The following GABRA1 variants were observed in gnomAD, a reference collection of about 807,000 sequenced individuals.
GABRA1 encodes the protein gamma-aminobutyric acid receptor subunit alpha-1.
In GABRA1, 9 loss-of-function variants were observed where a neutral mutation model predicts 48.9. The observed-to-expected ratio is 0.18, with a 90% confidence interval of 0.11 to 0.32. The LOEUF (loss-of-function observed/expected upper bound fraction) is 0.32. GABRA1 is among the 10% of genes least tolerant of loss of function. The probability of loss-of-function intolerance (pLI) is 1.00; values close to 1 mark genes in which losing one functional copy is unlikely to be tolerated. For synonymous variants in GABRA1, 210 were observed against 198.7 expected (o/e 1.06, Z -0.48); for missense variants, 285 against 553.8 (o/e 0.51, Z 4.87).
At chr5:161,889,599 TG>T (rs1754998827) in intron 7 of GABRA1, among the ~76,000 whole-genome samples, 1 of 152,188 alleles carries the variant, frequency 6.6e-6, no homozygotes, top group South Asian at 2.1e-4. Context: ...TATATTGAGA[TG>T]TTGAAATATT....
At chr5:161,862,896 C>A (rs1472627199) in intron 3 of GABRA1, among the ~76,000 whole-genome samples, 1 of 151,802 alleles carries the variant, frequency 6.6e-6, no homozygotes, top group Non-Finnish European at 1.5e-5. Context: ...AGTATTGCAC[C>A]TAAAATCACA....
chr5:161,894,774 T>C (rs1196572968), intron 8 of GABRA1, among the ~76,000 whole-genome samples: 1 of 152,112 alleles, frequency 6.6e-6, no homozygotes, highest in African/African-American at 2.4e-5. Context: ...CATTAGAGGG[T>C]ATCATCTTTC....
rs571166819 is a variant in GABRA1 at position 161,890,499 on chromosome 5, T to C, written c.704-399T>C. On this transcript the variant is annotated intron_variant, in intron 7 of 9. Coordinates refer to ENST00000393943, the MANE Select transcript of GABRA1 (RefSeq NM_001127644.2). ...GCTTCTTCAGTAGGTATTGTGGATA[T>C]GCTCTGTAATGGACACACTGGAGAT... 5.3e-5 allele frequency among the ~76,000 whole-genome samples: 8 copies of C among 152,198 alleles called. No homozygotes were observed. In the East Asian group the frequency reaches 1.4e-3, roughly 26 times the overall value.
intron 8 of GABRA1, among the ~76,000 whole-genome samples, chr5:161,893,867 C>T (rs1755238777): frequency 6.6e-6 from 1 of 152,174 alleles, no homozygotes; most frequent in Non-Finnish European, 1.5e-5. Context: ...AACTTAAAAG[C>T]TGTTCAACAA....
chr5:161,895,061 TA>T (rs1755300125), intron 8 of GABRA1, among the ~76,000 whole-genome samples: 1 of 152,112 alleles, frequency 6.6e-6, no homozygotes, highest in Non-Finnish European at 1.5e-5. Context: ...TGTCTATATG[TA>T]TATGAGACAC....
chr5:161,859,368 C>CA (rs1231539802), intron 3 of GABRA1, among the ~76,000 whole-genome samples: 3 of 151,656 alleles, frequency 2.0e-5, no homozygotes, highest in Non-Finnish European at 4.4e-5. Context: ...TAAGAATTCC[C>CA]AACTCCTAAT....
chr5:161,889,209 C>T (rs1212255986), intron 7 of GABRA1, among the ~76,000 whole-genome samples: 1 of 151,960 alleles, frequency 6.6e-6, no homozygotes, highest in Non-Finnish European at 1.5e-5. Context: ...TCTACCAACA[C>T]TTCTACCAGT....
chr5:161,869,303 C>A (rs760868263), intron 4 of GABRA1, among the ~76,000 whole-genome samples: 1 of 152,140 alleles, frequency 6.6e-6, no homozygotes, highest in Non-Finnish European at 1.5e-5. Context: ...CTAGAAATTT[C>A]ATCTAATCCT....
intron 7 of GABRA1, among the ~76,000 whole-genome samples, chr5:161,890,086 C>T (rs888041397): frequency 3.3e-5 from 5 of 151,942 alleles, no homozygotes; most frequent in African/African-American, 9.7e-5. Flanking sequence ...AACAATAAGA[C>T]TCTCCTGCAA....
intron 6 of GABRA1, among the ~76,000 whole-genome samples, chr5:161,879,360 T>C (rs1354248099): frequency 6.6e-6 from 1 of 152,168 alleles, no homozygotes; most frequent in Non-Finnish European, 1.5e-5. Context: ...GATCTGCCCA[T>C]GTTGGCCTTA....
chr5:161,877,800 T>G lies in GABRA1; in HGVS notation c.559+2158T>G, dbSNP rs185708998. ...TGAAGCTAAAGAAAAATAAGTAAGC[T>G]GTTTTCCACCTCAGAGCCATATGCT... On this transcript the variant is annotated intron_variant, in intron 6 of 9. Transcript: ENST00000393943. Among the ~76,000 whole-genome samples the G allele has an allele frequency of 4.7e-3, 722 of 152,258 alleles. 7 individuals carry two copies. The highest frequency in any genetic ancestry group is 0.017 in the African/African-American group (694 of 41,546).
chr5:161,878,322 C>T (rs1228107081), intron 6 of GABRA1, among the ~76,000 whole-genome samples: 1 of 152,136 alleles, frequency 6.6e-6, no homozygotes, highest in African/African-American at 2.4e-5. Context: ...CTGGCATTGG[C>T]ACAAGAAGAG....
chr5:161,861,576 T>A (rs1317693849), intron 3 of GABRA1, among the ~76,000 whole-genome samples: 1 of 150,988 alleles, frequency 6.6e-6, no homozygotes, highest in Non-Finnish European at 1.5e-5. Context: ...AACTTGGGTG[T>A]CTACCCCCAT....
At chr5:161,857,721 C>T (rs1367591561) in intron 3 of GABRA1, among the ~76,000 whole-genome samples, 2 of 151,452 alleles carry the variant, frequency 1.3e-5, no homozygotes, top group East Asian at 3.9e-4. Flanking sequence ...AGTGCAATGT[C>T]AATGAAGACA....
At chr5:161,853,867 C>T (rs1757542916) in intron 2 of GABRA1, 1 of 243,452 alleles carries the variant, frequency 4.1e-6, no homozygotes, top group Admixed American at 5.3e-5. Context: ...TTCTTGCTTG[C>T]TCAGAGAAGA....
chr5:161,882,460 C>T, intron 6 of GABRA1, 98 bp from the exon 7 acceptor site: 1 of 1,165,884 alleles, frequency 8.6e-7, no homozygotes, highest in African/African-American at 1.5e-5. Flanking sequence ...CCCTCTGGAA[C>T]CATGATATAG....
intron 3 of GABRA1, among the ~76,000 whole-genome samples, chr5:161,861,096 G>T (rs899949981): frequency 6.6e-6 from 1 of 151,680 alleles, no homozygotes; most frequent in East Asian, 1.9e-4. Context: ...AAGGCCCTAA[G>T]TATTGGCATA....
chr5:161,860,886 AC>A (rs1757830374), intron 3 of GABRA1, among the ~76,000 whole-genome samples: 1 of 151,842 alleles, frequency 6.6e-6, no homozygotes, highest in South Asian at 2.1e-4. Context: ...GCTACTCTTG[AC>A]CTTTTTATAT....
chr5:161,859,279 T>C, intron 3 of GABRA1, among the ~76,000 whole-genome samples: 1 of 151,866 alleles, frequency 6.6e-6, no homozygotes, highest in Non-Finnish European at 1.5e-5. Context: ...TTTCCTAATC[T>C]TGAATTATTT....
Sources: gnomAD v4.1 joint callset for allele counts (sites outside exome capture counted in the v4.1 genomes callset) on GRCh38, gnomAD v4.1.1 for gene constraint, MANE v1.5 for transcripts, NCBI Gene and HGNC (gene_info 2026-07-23, HGNC 2026-07-21) for gene names.